IL17RA: variants seen among roughly 807,000 people sequenced by gnomAD.
IL17RA encodes interleukin 17 receptor A, also known as interleukin-17 receptor A.
Under a neutral mutation model 50.4 loss-of-function variants are expected in IL17RA, and 34 were observed. That is an observed-to-expected ratio of 0.67 (90% CI 0.51 to 0.90). The LOEUF (loss-of-function observed/expected upper bound fraction) is 0.90, where lower values mean the gene tolerates loss of function less well. IL17RA is among the 40% of genes least tolerant of loss of function. IL17RA has a pLI of 0.00. For missense variants in IL17RA, 1,276 were observed against 1,169.8 expected, an observed-to-expected ratio of 1.09 and a Z score of -1.32; for synonymous variants, 585 against 510.4, an observed-to-expected ratio of 1.15 and a Z score of -1.97.
intron 1 of IL17RA, among the ~76,000 whole-genome samples, chr22:17,088,777 C>T (rs566535177): frequency 2.2e-4 from 33 of 149,212 alleles, no homozygotes; most frequent in South Asian, 4.3e-4. Context: ...TGTGAGCCAC[C>T]GCACCTGGCC....
intron 1 of IL17RA, among the ~76,000 whole-genome samples, chr22:17,092,709 T>C (rs902576326): frequency 7.5e-6 from 1 of 132,602 alleles, no homozygotes; most frequent in African/African-American, 3.0e-5. Flanking sequence ...TATGTGTCCT[T>C]CTCTTCCAGA....
chr22:17,086,376 A>T (rs1450364567), intron 1 of IL17RA, among the ~76,000 whole-genome samples: 1 of 152,096 alleles, frequency 6.6e-6, no homozygotes, highest in East Asian at 1.9e-4. Flanking sequence ...GTCGCAGAAA[A>T]AAAAAAAAAG....
Position 17,103,445 on chromosome 22 carries a change from A to G in IL17RA, c.763-49A>G, listed in dbSNP as rs1421457668. 4 of 1,504,936 alleles carry G rather than the reference A, an allele frequency of 2.7e-6. No individual in the cohort carries two copies. In the African/African-American group the frequency reaches 4.2e-5, roughly 16 times the overall value. 93.2% of individuals were successfully genotyped at this position (1,504,936 alleles called of 1,614,324 possible). A position where few individuals can be genotyped will look rare whatever the true frequency, so the allele number is the denominator to read the frequency against. ...TGCCACAGCGTGTTCTTACCCAACT[A>G]GCCTTACCCATCCCAACTAGCCTTA... On this transcript the variant is annotated intron_variant, in intron 7 of 12. Coordinates refer to ENST00000319363, the MANE Select transcript of IL17RA (RefSeq NM_014339.7).
At chr22:17,094,689 C>CTATATATATATATATATATA (rs1435523726) in intron 1 of IL17RA, among the ~76,000 whole-genome samples, 3 of 39,300 alleles carry the variant, frequency 7.6e-5, no homozygotes, top group African/African-American at 2.7e-4. Context: ...CTCTCTCTCT[C>CTATATATATATATATATATA]TCTATATATA....
rs1018910174 is a variant in IL17RA at position 17,109,833 on chromosome 22, A to G, written c.*13A>G. 31 of 1,547,648 alleles carry G rather than the reference A, an allele frequency of 2.0e-5. No individual in the cohort carries two copies. In the Admixed American group the frequency reaches 4.7e-4, roughly 23 times the overall value. On this transcript the variant is annotated 3_prime_UTR_variant, in exon 13 of 13. Transcript: ENST00000319363. ...GCCCAGTGCATGAGGGCGGCTCCCC[A>G]GGGACCGCCCAGATCCCAGCTTTGA...
rs2061430420 is a variant in IL17RA at position 17,109,431 on chromosome 22, G to T, written c.2212G>T (p.Asp738Tyr). ...CAGCAGCACCCCCATGGCGTCTCCT[G>T]ACCTCCTTCCAGAGGACGTGAGGGA... is the stretch of plus-strand genomic sequence containing the variant. Reference protein sequence around the residue: ...LGSSTPMASPDLLPEDVREHL... With the variant: ...LGSSTPMASPYLLPEDVREHL... The change falls in exon 13 of 13, where the codon GAC (aspartate) becomes TAC (tyrosine). Residue 738 changes from aspartate to tyrosine, a missense_variant. By Grantham distance (160) the Asp-to-Tyr change is radical (BLOSUM62 -3). Transcript: ENST00000319363. 6.2e-7 allele frequency: 1 copy of T among 1,613,286 alleles called. No individual in the cohort carries two copies. The highest frequency in any genetic ancestry group is 8.5e-7 in the Non-Finnish European group (1 of 1,179,988).
intron 2 of IL17RA, 96 bp downstream of exon 2, chr22:17,097,182 G>C (rs2061371425): frequency 2.5e-6 from 3 of 1,213,494 alleles, no homozygotes; most frequent in Non-Finnish European, 3.7e-6. Flanking sequence ...TGCCACTCCA[G>C]GTTCAGGCTG....
Position 17,108,929 on chromosome 22 carries a change from C to A in IL17RA, c.1710C>A (p.Ala570=), listed in dbSNP as rs1401333141. The A allele has an allele frequency of 1.2e-6, 2 of 1,611,902 alleles. No individual in the cohort carries two copies. The highest frequency in any genetic ancestry group is 1.7e-6 in the Non-Finnish European group (2 of 1,179,658). ...CGGGCGGCAGGCAGCTCCGCGCCGC[C>A]CTGGACAGGTTCCGGGACTGGCAGG... The part of the protein sequence containing the change: ...RSPGGRQLRA[A]LDRFRDWQVR... Residue 570 remains alanine, a synonymous_variant, in exon 13 of 13, where the codon GCC becomes GCA. Transcript: ENST00000319363.
At chr22:17,107,463 C>T (rs978958974) in intron 11 of IL17RA, among the ~76,000 whole-genome samples, 3 of 152,250 alleles carry the variant, frequency 2.0e-5, no homozygotes, top group African/African-American at 7.2e-5. Context: ...ATTTAATACC[C>T]ATTAAACAAG....
Position 17,109,774 on chromosome 22 carries a change from C to T in IL17RA, c.2555C>T (p.Ser852Leu), listed in dbSNP as rs766131164. ...QLLFRQLQKNSGWDTMGSESE... is the reference protein window; with the variant it reads ...QLLFRQLQKNLGWDTMGSESE... ...CTTTTCCGCCAGCTGCAGAAGAACT[C>T]GGGCTGGGACACGATGGGGTCAGAG... The change falls in exon 13 of 13, where the codon TCG becomes TTG. Residue 852 changes from serine to leucine, a missense_variant. Physicochemically the swap from Ser to Leu is moderately radical, Grantham distance 145 (BLOSUM62 -2). Transcript: ENST00000319363. The T allele has an allele frequency of 4.5e-6, 7 of 1,552,022 alleles. No individual in the cohort carries two copies. Among genetic ancestry groups the T allele is most frequent in the Non-Finnish European group, 6.1e-6 (7 of 1,148,100 alleles).
In IL17RA at chr22:17,109,057, C is replaced by T. The variant is rs2061427520; in HGVS notation, c.1838C>T (p.Pro613Leu). Residue 613 changes from proline (P) to leucine (L), a missense_variant, in exon 13 of 13, where the codon CCG becomes CTG. Transcript: ENST00000319363. ...EEVFEEPLLP[P>L]GTGIVKRAPL... ...GTGTTTGAGGAGCCACTGCTGCCTCCGGGAACCGGCATCGTGAAGCGGGCG... is the reference window on the plus strand; with the variant it reads ...GTGTTTGAGGAGCCACTGCTGCCTCTGGGAACCGGCATCGTGAAGCGGGCG... 1 of 1,588,046 alleles carries T rather than the reference C, an allele frequency of 6.3e-7. No homozygotes were observed. Among genetic ancestry groups the T allele is most frequent in the South Asian group, 1.1e-5 (1 of 89,276 alleles).
At chr22:17,094,691 C>CTATATATATATATATATATA (rs1188416715) in intron 1 of IL17RA, among the ~76,000 whole-genome samples, 24 of 24,702 alleles carry the variant, frequency 9.7e-4, no homozygotes, top group Non-Finnish European at 1.2e-3. Context: ...CTCTCTCTCT[C>CTATATATATATATATATATA]TATATATATA....
chr22:17,092,289 T>G (rs2025353844), intron 1 of IL17RA, among the ~76,000 whole-genome samples: 1 of 152,238 alleles, frequency 6.6e-6, no homozygotes, highest in African/African-American at 2.4e-5. Context: ...TTCTGTATTA[T>G]TTGTGATATC....
chr22:17,109,229 C>T lies in IL17RA; in HGVS notation c.2010C>T (p.Leu670=), dbSNP rs1300567909. 15 of 1,494,402 alleles carry T rather than the reference C, an allele frequency of 1.0e-5. No homozygotes were observed. Among genetic ancestry groups the T allele is most frequent in the African/African-American group, 1.4e-5 (1 of 71,996 alleles). The allele number at this position is 1,494,402 out of a possible 1,614,324, so 92.6% of individuals were successfully genotyped here. The change falls in exon 13 of 13, where the codon CTC becomes CTT. Residue 670 remains leucine, a synonymous_variant. Transcript: ENST00000319363. ...PAPQPLHTLV[L]AAEEGALVAA... is the part of the protein sequence containing the mutation. Reference sequence around the variant, plus strand: ...CGCAGCCCCTCCACACCCTGGTGCTCGCCGCAGAGGAGGGGGCCCTGGTGG... The same window carrying T: ...CGCAGCCCCTCCACACCCTGGTGCTTGCCGCAGAGGAGGGGGCCCTGGTGG...
At chr22:17,105,505 C>G in intron 9 of IL17RA, 86 bp from the exon 10 acceptor site, 1 of 1,332,394 alleles carries the variant, frequency 7.5e-7, no homozygotes, top group Non-Finnish European at 1.1e-6. Flanking sequence ...TCATTAAAGC[C>G]CTCAAGGGAC....
rs141467790 is a variant in IL17RA, at chr22:17,103,564, G to A, written c.833G>A (p.Arg278His). Residue 278 changes from arginine to histidine, a missense_variant, in exon 8 of 13, where the codon CGC becomes CAC. Arg to His is a conservative substitution (Grantham distance 29). Coordinates refer to ENST00000319363, the MANE Select transcript of IL17RA (RefSeq NM_014339.7). Reference protein sequence around the residue: ...LTLRNLKGCCRHQVQIQPFFS... With the variant: ...LTLRNLKGCCHHQVQIQPFFS... ...CTACGCAACCTTAAAGGGTGCTGTCGCCACCAAGTGCAGGTGGGTGAGTGT... is the reference window on the plus strand; with the variant it reads ...CTACGCAACCTTAAAGGGTGCTGTCACCACCAAGTGCAGGTGGGTGAGTGT... The A allele has an allele frequency of 5.3e-4, 860 of 1,612,368 alleles. 11 individuals carry two copies. The East Asian group carries it at 7.8e-3, about 15-fold the overall frequency.
At chr22:17,103,618 G>T in intron 8 of IL17RA, 41 bp downstream of exon 8, 1 of 1,503,908 alleles carries the variant, frequency 6.6e-7, no homozygotes, top group Non-Finnish European at 9.1e-7. Context: ...GAGCAAAACA[G>T]GTGGCAATTA....
intron 1 of IL17RA, 29 bp from the exon 2 acceptor site, chr22:17,097,033 C>T (rs776655658): frequency 5.6e-6 from 9 of 1,610,300 alleles, no homozygotes; most frequent in Non-Finnish European, 7.6e-6. Flanking sequence ...CTTTTCCCAG[C>T]TGTAATAACC....
chr22:17,093,540 C>T (rs1161365808), intron 1 of IL17RA: 1 of 152,270 alleles, frequency 6.6e-6, no homozygotes, highest in East Asian at 1.9e-4. Flanking sequence ...TCTGCTGCCA[C>T]TTGGACAGTT....
Sources: gnomAD v4.1 joint callset for allele counts (sites outside exome capture counted in the v4.1 genomes callset) on GRCh38, gnomAD v4.1.1 for gene constraint, MANE v1.5 for transcripts, NCBI Gene and HGNC (gene_info 2026-07-23, HGNC 2026-07-21) for gene names.